Variants in VDR observed in about 807,000 individuals in gnomAD.
VDR encodes the protein vitamin D3 receptor.
A neutral mutation model predicts 39.7 loss-of-function variants in VDR; 19 were observed. The ratio of observed to expected loss-of-function variants is 0.48; its 90% CI spans 0.33 to 0.70. The LOEUF (loss-of-function observed/expected upper bound fraction) is 0.70. Among genes scored for constraint, VDR ranks in the 30% least tolerant of loss-of-function variants. The pLI, the probability that VDR is intolerant of heterozygous loss-of-function variation, is 0.02. For missense variants in VDR, 442 were observed against 570.5 expected (o/e 0.77, Z 2.29); for synonymous variants, 242 against 215.8 (o/e 1.12, Z -1.07).
intron 7 of VDR, among the ~76,000 whole-genome samples, chr12:47,849,168 G>A (rs925823197): frequency 2.6e-5 from 4 of 152,166 alleles, no homozygotes; most frequent in African/African-American, 9.7e-5. Flanking sequence ...CCCGTCAATG[G>A]CTGCATGTTT....
intron 7 of VDR, among the ~76,000 whole-genome samples, chr12:47,851,642 G>C (rs1334294999): frequency 6.6e-6 from 1 of 152,194 alleles, no homozygotes; most frequent in Non-Finnish European, 1.5e-5. Flanking sequence ...TACTGGGCTG[G>C]CCCACCCTGG....
At chr12:47,881,701 T>TA (rs1010932195) in intron 2 of VDR, among the ~76,000 whole-genome samples, 6 of 152,152 alleles carry the variant, frequency 3.9e-5, no homozygotes, top group Non-Finnish European at 7.4e-5. Context: ...TTTCATAATT[T>TA]AAAAAACAAT....
At chr12:47,853,948 A>G (rs926769827) in intron 7 of VDR, among the ~76,000 whole-genome samples, 1 of 152,158 alleles carries the variant, frequency 6.6e-6, no homozygotes, top group Non-Finnish European at 1.5e-5. Context: ...TTAACACTGC[A>G]TGAGTATTTA....
chr12:47,867,303 G>A (rs541289100), intron 3 of VDR, among the ~76,000 whole-genome samples: 2 of 152,134 alleles, frequency 1.3e-5, no homozygotes, highest in African/African-American at 2.4e-5. Context: ...TCACTGAGCC[G>A]AGATTGTGCC....
At chr12:47,882,233 C>T (rs1418157277) in intron 2 of VDR, among the ~76,000 whole-genome samples, 1 of 152,178 alleles carries the variant, frequency 6.6e-6, no homozygotes, top group East Asian at 1.9e-4. Flanking sequence ...GTGAATGAGA[C>T]CATTTCAGGG....
At chr12:47,864,105 C>T (rs904917279) in intron 4 of VDR, among the ~76,000 whole-genome samples, 2 of 152,186 alleles carry the variant, frequency 1.3e-5, no homozygotes, top group Admixed American at 1.3e-4. Flanking sequence ...TGTCCTAGGG[C>T]CGGGTGGGGG....
chr12:47,848,845 C>T (rs895270436), intron 7 of VDR, among the ~76,000 whole-genome samples: 3 of 151,866 alleles, frequency 2.0e-5, no homozygotes, highest in African/African-American at 4.8e-5. Context: ...GGGATTACGG[C>T]GTGAGCCACT....
intron 2 of VDR, among the ~76,000 whole-genome samples, chr12:47,880,440 C>T (rs909200875): frequency 4.0e-5 from 6 of 151,320 alleles, no homozygotes; most frequent in East Asian, 1.9e-4. Context: ...ATCCCCTTTA[C>T]AAATGAGGCC....
intron 1 of VDR, among the ~76,000 whole-genome samples, chr12:47,888,151 T>G (rs1479932484): frequency 6.6e-6 from 1 of 151,928 alleles, no homozygotes; most frequent in Non-Finnish European, 1.5e-5. Flanking sequence ...GAAGCAAAAG[T>G]GGAAACCCCT....
At position 47,863,008 on chromosome 12, in the gene VDR, G is replaced by A. The variant is rs561159836; in HGVS notation, c.277+2039C>T. 1.6e-4 allele frequency among the ~76,000 whole-genome samples: 25 copies of A among 152,336 alleles called. 1 individual carries two copies. In the Middle Eastern group the frequency reaches 0.014, roughly 83 times the overall value. ...AGCTACCTTGGGCATACAGCAGGAT[G>A]GGGACACAGGACTCCACAGGAGAGA... On this transcript the variant is annotated intron_variant, in intron 4 of 9. Coordinates refer to ENST00000549336, the MANE Select transcript of VDR (RefSeq NM_000376.3).
intron 3 of VDR, 167 bp downstream of exon 3, chr12:47,878,801 G>C: frequency 2.8e-6 from 3 of 1,066,076 alleles, no homozygotes; most frequent in Non-Finnish European, 4.2e-6. Context: ...GGAGGGAAAA[G>C]AAGATACCAC....
intron 3 of VDR, among the ~76,000 whole-genome samples, chr12:47,865,760 G>C (rs1445544894): frequency 7.0e-6 from 1 of 143,248 alleles, no homozygotes; most frequent in African/African-American, 2.6e-5. Flanking sequence ...TGTCACCCAG[G>C]CTGGAGTGCA....
intron 3 of VDR, among the ~76,000 whole-genome samples, chr12:47,873,145 AT>A (rs1945918493): frequency 6.6e-6 from 1 of 151,892 alleles, no homozygotes; most frequent in African/African-American, 2.4e-5. Context: ...ATGGGGACAG[AT>A]TTCCCCCTTG....
chr12:47,888,947 G>T (rs1340427248), intron 1 of VDR, among the ~76,000 whole-genome samples: 1 of 152,078 alleles, frequency 6.6e-6, no homozygotes, highest in African/African-American at 2.4e-5. Flanking sequence ...AATGTTTGGG[G>T]CAATACATAA....
intron 3 of VDR, among the ~76,000 whole-genome samples, chr12:47,876,219 C>CTGTG (rs34365014): frequency 0.085 from 12,775 of 150,332 alleles, 637 homozygotes; most frequent in South Asian, 0.24. Context: ...TGAAGGTTGA[C>CTGTG]TGTGTGTGTG....
At chr12:47,887,335 A>AC (rs1052352291) in intron 1 of VDR, among the ~76,000 whole-genome samples, 8 of 150,256 alleles carry the variant, frequency 5.3e-5, no homozygotes, top group African/African-American at 2.0e-4. Flanking sequence ...AAAAAAAAAA[A>AC]AAAAAACAAA....
intron 3 of VDR, among the ~76,000 whole-genome samples, chr12:47,875,484 G>A (rs1315037095): frequency 2.6e-5 from 4 of 152,178 alleles, no homozygotes; most frequent in Non-Finnish European, 4.4e-5. Flanking sequence ...CTTGCTTCCT[G>A]GGATCAGAGT....
intron 4 of VDR, among the ~76,000 whole-genome samples, chr12:47,860,326 T>G (rs1329247076): frequency 1.3e-5 from 2 of 152,190 alleles, no homozygotes; most frequent in Non-Finnish European, 2.9e-5. Context: ...TACCTGGCCG[T>G]GGTGTCTGCT....
chr12:47,862,813 C>G (rs1451226917), intron 4 of VDR, among the ~76,000 whole-genome samples: 7 of 152,234 alleles, frequency 4.6e-5, no homozygotes, highest in South Asian at 2.1e-4. Flanking sequence ...GTGAGGCCTC[C>G]TGAAGCTGGA....
Sources: gnomAD v4.1 joint callset for allele counts (sites outside exome capture counted in the v4.1 genomes callset) on GRCh38, gnomAD v4.1.1 for gene constraint, MANE v1.5 for transcripts, NCBI Gene and HGNC (gene_info 2026-07-23, HGNC 2026-07-21) for gene names.